The following MAP7 variants were observed in gnomAD, a reference collection of about 807,000 sequenced individuals.
The protein encoded by MAP7 is ensconsin.
MAP7 carries 52 observed loss-of-function variants against 94.8 expected under a neutral mutation model. That is an observed-to-expected ratio of 0.55 (90% CI 0.44 to 0.69). The LOEUF is 0.69. Ranked by LOEUF, MAP7 falls within the 30% of genes least tolerant of loss-of-function variation. The pLI is 0.00. For missense variants in MAP7, 940 were observed against 964.6 expected, an observed-to-expected ratio of 0.97 and a Z score of 0.34; for synonymous variants, 350 against 357.0, an observed-to-expected ratio of 0.98 and a Z score of 0.22.
At chr6:136,423,181 C>A (rs542576431) in intron 1 of MAP7, among the ~76,000 whole-genome samples, 33 of 152,188 alleles carry the variant, frequency 2.2e-4, no homozygotes, top group Non-Finnish European at 4.4e-4. Flanking sequence ...ATACCCATAG[C>A]ACCCATGCAG....
chr6:136,372,566 G>A lies in MAP7; in HGVS notation c.811C>T (p.Arg271Ter), dbSNP rs1474005117. The A allele has an allele frequency of 8.7e-6, 14 of 1,614,042 alleles. No individual in the cohort carries two copies. Among genetic ancestry groups the A allele is most frequent in the Non-Finnish European group, 1.1e-5 (13 of 1,180,040 alleles). ...GGTGGTGTTACAAAGAGTTTTGGTC[G>A]ATCCATCGAATTTCTAGAGTGTGCA... ...KAAHSRNSMD[R>*]PKLFVTPPEG... is the part of the protein sequence containing the mutation. The change falls in exon 8 of 18, where the codon CGA (arginine) becomes TGA (stop). Residue 271 changes from arginine to a stop codon, truncating the protein, a stop_gained. Transcript: ENST00000354570. LOFTEE classifies it high-confidence loss of function.
intron 1 of MAP7, among the ~76,000 whole-genome samples, chr6:136,532,454 T>A (rs1828549282): frequency 6.6e-6 from 1 of 152,108 alleles, no homozygotes; most frequent in Non-Finnish European, 1.5e-5. Flanking sequence ...TATGGAAGAA[T>A]TTACACTTTT....
At chr6:136,435,804 A>C (rs1796232831) in intron 1 of MAP7, among the ~76,000 whole-genome samples, 1 of 152,222 alleles carries the variant, frequency 6.6e-6, no homozygotes, top group African/African-American at 2.4e-5. Flanking sequence ...CTGCTTTAGA[A>C]ATAGTAGAAT....
At chr6:136,520,459 T>G (rs1009701052) in intron 1 of MAP7, among the ~76,000 whole-genome samples, 15 of 152,220 alleles carry the variant, frequency 9.9e-5, no homozygotes, top group Admixed American at 5.9e-4. Flanking sequence ...TACCTTTGTT[T>G]CATAATGTTC....
intron 1 of MAP7, among the ~76,000 whole-genome samples, chr6:136,502,868 T>G (rs568532815): frequency 2.0e-5 from 3 of 151,948 alleles, no homozygotes; most frequent in African/African-American, 7.2e-5. Context: ...TCCAGGAAAA[T>G]AAGGCAGCCA....
intron 5 of MAP7, among the ~76,000 whole-genome samples, chr6:136,386,513 T>G (rs1043433592): frequency 6.6e-6 from 1 of 152,156 alleles, no homozygotes; most frequent in Non-Finnish European, 1.5e-5. Context: ...CTCAAAAATG[T>G]CTGATGATCT....
intron 1 of MAP7, chr6:136,526,580 T>C: frequency 1.0e-6 from 1 of 985,452 alleles, no homozygotes; most frequent in South Asian, 4.7e-5. Flanking sequence ...GATGCTGGGT[T>C]CTGGGAACTC....
chr6:136,414,494 G>GT (rs1207686240), intron 2 of MAP7, among the ~76,000 whole-genome samples: 3 of 151,924 alleles, frequency 2.0e-5, no homozygotes, highest in African/African-American at 7.3e-5. Context: ...GCTATCATTT[G>GT]TTTTGCTGAA....
chr6:136,345,334 G>A (rs1159549639), intron 17 of MAP7, among the ~76,000 whole-genome samples: 5 of 152,064 alleles, frequency 3.3e-5, no homozygotes, highest in African/African-American at 7.2e-5. Context: ...CACCTAAATC[G>A]TAACTATCCA....
chr6:136,407,788 C>G (rs142700170), intron 3 of MAP7, among the ~76,000 whole-genome samples: 1 of 152,120 alleles, frequency 6.6e-6, no homozygotes, highest in Non-Finnish European at 1.5e-5. Context: ...ATGTTTTATT[C>G]TGCAAAAGAT....
chr6:136,464,165 A>G (rs940126160), intron 1 of MAP7, among the ~76,000 whole-genome samples: 3 of 152,112 alleles, frequency 2.0e-5, no homozygotes, highest in African/African-American at 7.2e-5. Flanking sequence ...AAACTTCTTG[A>G]TTTTTTCTTT....
intron 4 of MAP7, 137 bp from the exon 5 acceptor site, chr6:136,388,647 C>T (rs1432072272): frequency 1.6e-5 from 11 of 674,392 alleles, no homozygotes; most frequent in Non-Finnish European, 2.8e-5. Context: ...AACTTCTATA[C>T]CATAAGGTGA....
chr6:136,349,799 T>C lies in MAP7; in HGVS notation c.2016-3720A>G, dbSNP rs554054823. 3.0e-4 allele frequency among the ~76,000 whole-genome samples: 45 copies of C among 152,202 alleles called. 1 individual carries two copies. In the South Asian group the frequency reaches 9.1e-3, roughly 31 times the overall value. On this transcript the variant is annotated intron_variant, in intron 16 of 17. Coordinates refer to ENST00000354570, the MANE Select transcript of MAP7 (RefSeq NM_003980.6). ...AAGAGATGGGCAAGAAAAATGGCTT[T>C]GGGGCAAAGGGGCCAGGCGTCTCAC...
At chr6:136,520,528 TAC>T (rs963988288) in intron 1 of MAP7, among the ~76,000 whole-genome samples, 1 of 152,182 alleles carries the variant, frequency 6.6e-6, no homozygotes, top group Non-Finnish European at 1.5e-5. Context: ...TTACAAAGCT[TAC>T]AGTGTCAAGA....
At position 136,501,689 on chromosome 6, in the gene MAP7, G is replaced by A. The variant is rs370643688; in HGVS notation, c.67+48653C>T. On this transcript the variant is annotated intron_variant, in intron 1 of 17. Coordinates refer to ENST00000354570, the MANE Select transcript of MAP7 (RefSeq NM_003980.6). ...ATTGCACATGTCAAACTTAAGTTAC[G>A]CAATGATCAGACCACAGCATGACAA... Among the ~76,000 whole-genome samples the A allele has an allele frequency of 1.2e-3, 189 of 152,080 alleles. 3 individuals are homozygous for A. The South Asian group carries it at 0.017, about 13-fold the overall frequency.
intron 9 of MAP7, among the ~76,000 whole-genome samples, 154 bp downstream of exon 9, chr6:136,366,173 C>T (rs1345422953): frequency 6.6e-6 from 1 of 152,200 alleles, no homozygotes; most frequent in Admixed American, 6.5e-5. Context: ...CTTTAGGGAA[C>T]CATTCCAATT....
intron 1 of MAP7, among the ~76,000 whole-genome samples, chr6:136,527,119 A>G (rs1277931025): frequency 1.3e-5 from 2 of 152,162 alleles, no homozygotes; most frequent in African/African-American, 2.4e-5. Context: ...GGCAGTTGCT[A>G]CCAGCGGTGC....
intron 1 of MAP7, among the ~76,000 whole-genome samples, chr6:136,497,583 G>A (rs923969981): frequency 4.0e-5 from 6 of 150,122 alleles, no homozygotes; most frequent in African/African-American, 9.8e-5. Context: ...GGCAGATCAC[G>A]AGGTCAGGAG....
intron 1 of MAP7, among the ~76,000 whole-genome samples, chr6:136,478,979 C>CAAAAAAAAAAAAAAAAGAAAAAAA (rs1811865573): frequency 4.4e-5 from 2 of 45,520 alleles, no homozygotes; most frequent in Non-Finnish European, 1.3e-4. Flanking sequence ...ACAGACACAT[C>CAAAAAAAAAAAAAAAAGAAAAAAA]AAAAAAAAAA....
Sources: gnomAD v4.1 joint callset for allele counts (sites outside exome capture counted in the v4.1 genomes callset) on GRCh38, gnomAD v4.1.1 for gene constraint, MANE v1.5 for transcripts, NCBI Gene and HGNC (gene_info 2026-07-23, HGNC 2026-07-21) for gene names.